MEOX2: variants seen among roughly 807,000 people sequenced by gnomAD.
MEOX2 encodes mesenchyme homeobox 2, also known as homeobox protein MOX-2.
Under a neutral mutation model 27.0 loss-of-function variants are expected in MEOX2, and 11 were observed. The ratio of observed to expected loss-of-function variants is 0.41; its 90% confidence interval spans 0.26 to 0.68. The LOEUF is 0.68. MEOX2 is among the 30% of genes least tolerant of loss of function. The pLI, the probability that MEOX2 is intolerant of heterozygous loss-of-function variation, is 0.33. For missense variants in MEOX2, 436 were observed against 385.4 expected, an observed-to-expected ratio of 1.13 and a Z score of -1.10; for synonymous variants, 189 against 155.4, an observed-to-expected ratio of 1.22 and a Z score of -1.61.
intron 1 of MEOX2, among the ~76,000 whole-genome samples, chr7:15,656,643 A>T (rs1019066694): frequency 1.3e-5 from 2 of 151,750 alleles, no homozygotes; most frequent in South Asian, 2.1e-4. Context: ...TTATAAAACC[A>T]TTATCTTAAA....
chr7:15,629,556 A>G (rs1426486854), intron 1 of MEOX2, among the ~76,000 whole-genome samples: 2 of 152,106 alleles, frequency 1.3e-5, no homozygotes, highest in Admixed American at 6.6e-5. Flanking sequence ...ATTAAATTAG[A>G]TGACAGAGTG....
At position 15,667,289 on chromosome 7, in the gene MEOX2, CAAAAAAAA is replaced by C. The variant is rs532691969; in HGVS notation, c.517+18589_517+18596del. Among the ~76,000 whole-genome samples, 42 of 40,978 alleles carry C rather than the reference CAAAAAAAA, an allele frequency of 1.0e-3. 1 individual carries two copies. Among genetic ancestry groups the C allele is most frequent in the South Asian group, 5.7e-3 (4 of 702 alleles). 26.9% of individuals were successfully genotyped at this position (40,978 alleles called of 152,430 possible). A position where few individuals can be genotyped will look rare whatever the true frequency, so the allele number is the denominator to read the frequency against. ...CTGGCAACAGAGTGAGACTCTGTCTCAAAAAAAAAAAAAAAAAAAAAAAGTAGGAAATA... is the reference window on the plus strand; with the variant it reads ...CTGGCAACAGAGTGAGACTCTGTCTCAAAAAAAAAAAAAAAGTAGGAAATA... On this transcript the variant is annotated intron_variant, in intron 1 of 2. Transcript: ENST00000262041.
At chr7:15,641,186 T>C (rs1781554732) in intron 1 of MEOX2, among the ~76,000 whole-genome samples, 1 of 152,158 alleles carries the variant, frequency 6.6e-6, no homozygotes, top group Admixed American at 6.5e-5. Flanking sequence ...TTATTACTGA[T>C]TCAATTTCAT....
Position 15,686,432 on chromosome 7 carries a change from G to C in MEOX2, c.-30C>G, listed in dbSNP as rs753661820. The C allele has an allele frequency of 6.5e-7, 1 of 1,541,394 alleles. No individual in the cohort carries two copies. Among genetic ancestry groups the C allele is most frequent in the Non-Finnish European group, 8.8e-7 (1 of 1,141,178 alleles). On this transcript the variant is annotated 5_prime_UTR_variant, in exon 1 of 3. Transcript: ENST00000262041. ...TGCAAGTTTCGGGTTCCAGGCAGAA[G>C]ACTTCACGGCGGTTCCAAAGGCCAC...
At chr7:15,629,512 C>A (rs1260007369) in intron 1 of MEOX2, among the ~76,000 whole-genome samples, 3 of 151,944 alleles carry the variant, frequency 2.0e-5, no homozygotes, top group African/African-American at 7.2e-5. Flanking sequence ...TATTTATAAC[C>A]ACACAAAGAA....
intron 1 of MEOX2, among the ~76,000 whole-genome samples, chr7:15,627,855 C>G (rs1328731577): frequency 1.2e-5 from 1 of 85,538 alleles, no homozygotes; most frequent in Non-Finnish European, 2.6e-5. Context: ...ATACCCAGCT[C>G]TAATAACTTA....
At chr7:15,663,531 G>A (rs1249643646) in intron 1 of MEOX2, among the ~76,000 whole-genome samples, 1 of 151,800 alleles carries the variant, frequency 6.6e-6, no homozygotes, top group Non-Finnish European at 1.5e-5. Context: ...AGTAGAGATG[G>A]GGCTTCACCA....
chr7:15,639,050 T>C (rs1309664442), intron 1 of MEOX2, among the ~76,000 whole-genome samples: 2 of 152,082 alleles, frequency 1.3e-5, no homozygotes, highest in East Asian at 3.9e-4. Flanking sequence ...CTGAGAAATC[T>C]CCATACTGTT....
chr7:15,627,358 C>T (rs1293865082), intron 1 of MEOX2, among the ~76,000 whole-genome samples: 1 of 151,984 alleles, frequency 6.6e-6, no homozygotes, highest in Non-Finnish European at 1.5e-5. Context: ...AAACGTTTAG[C>T]AACTGGACCA....
At chr7:15,657,186 C>CT (rs1781835732) in intron 1 of MEOX2, among the ~76,000 whole-genome samples, 1 of 151,700 alleles carries the variant, frequency 6.6e-6, no homozygotes, top group Admixed American at 6.6e-5. Context: ...TGTGTTTATC[C>CT]TTTTTAGGAT....
intron 1 of MEOX2, among the ~76,000 whole-genome samples, chr7:15,640,793 T>C (rs1208919606): frequency 2.6e-5 from 4 of 152,206 alleles, no homozygotes; most frequent in Non-Finnish European, 2.9e-5. Flanking sequence ...CATATGGTTT[T>C]TGTTTTTAAT....
intron 2 of MEOX2, among the ~76,000 whole-genome samples, chr7:15,618,250 A>G (rs535287138): frequency 6.6e-6 from 1 of 152,164 alleles, no homozygotes; most frequent in Non-Finnish European, 1.5e-5. Context: ...AAAAATAGAC[A>G]CACCTTTTAG....
chr7:15,679,214 C>T (rs1279651561), intron 1 of MEOX2: 2 of 151,888 alleles, frequency 1.3e-5, no homozygotes, highest in African/African-American at 4.8e-5. Context: ...TGTGCATATA[C>T]CTATATATGT....
rs2115401758 is a variant in MEOX2, at chr7:15,686,522, G to C, written c.-120C>G. The C allele has an allele frequency of 2.3e-6, 2 of 885,912 alleles. No homozygotes were observed. The highest frequency in any genetic ancestry group is 3.4e-6 in the Non-Finnish European group (2 of 587,022). 54.9% of individuals were successfully genotyped at this position (885,912 alleles called of 1,614,324 possible). A position where few individuals can be genotyped will look rare whatever the true frequency, so the allele number is the denominator to read the frequency against. On this transcript the variant is annotated 5_prime_UTR_variant, in exon 1 of 3. Transcript: ENST00000262041. ...TTTTTTAACCTCCCAAAGCAATAGC[G>C]GTGCACTTCTGCAGAGCTCGGATAA...
At chr7:15,648,954 T>C (rs1201684547) in intron 1 of MEOX2, among the ~76,000 whole-genome samples, 4 of 152,000 alleles carry the variant, frequency 2.6e-5, no homozygotes, top group African/African-American at 7.2e-5. Context: ...TAATAGCTGA[T>C]TTACATGAAA....
chr7:15,686,115 C>G lies in MEOX2; in HGVS notation c.288G>C (p.Gln96His). The change falls in exon 1 of 3, where the codon CAG becomes CAC. Residue 96 changes from glutamine to histidine, a missense_variant. Transcript: ENST00000262041. ...GAGCCGCACTCGGTGGGGAAGACAT[C>G]TGCGGGAGGTGCCAGTTGGTTTGCA... Reference protein sequence around the residue: ...QALQTNWHLPQMSSPPSAARH... With the variant: ...QALQTNWHLPHMSSPPSAARH... 6.3e-7 allele frequency: 1 copy of G among 1,582,716 alleles called. No individual in the cohort carries two copies. Among genetic ancestry groups the G allele is most frequent in the Admixed American group, 1.8e-5 (1 of 54,532 alleles).
At chr7:15,616,699 C>G (rs942440521) in intron 2 of MEOX2, among the ~76,000 whole-genome samples, 1 of 151,786 alleles carries the variant, frequency 6.6e-6, no homozygotes, top group Non-Finnish European at 1.5e-5. Flanking sequence ...AATTTATAAG[C>G]ACATTTTATA....
chr7:15,614,688 CTTA>C (rs1781095493), intron 2 of MEOX2, among the ~76,000 whole-genome samples: 1 of 151,980 alleles, frequency 6.6e-6, no homozygotes, highest in Non-Finnish European at 1.5e-5. Context: ...ACCACATTAT[CTTA>C]TTAATTATAA....
intron 2 of MEOX2, among the ~76,000 whole-genome samples, chr7:15,614,382 C>A (rs1308574507): frequency 6.6e-6 from 1 of 151,468 alleles, no homozygotes; most frequent in Non-Finnish European, 1.5e-5. Flanking sequence ...CCACTGCACT[C>A]CAGCCTGGGC....
Sources: allele counts gnomAD v4.1 joint callset (sites outside exome capture counted in the v4.1 genomes callset), GRCh38; gene constraint gnomAD v4.1.1; transcripts MANE v1.5; gene names NCBI Gene and HGNC (gene_info 2026-07-23, HGNC 2026-07-21).